The following TAF4B variants were observed in gnomAD, a reference collection of about 807,000 sequenced individuals.
The protein encoded by TAF4B is transcription initiation factor TFIID subunit 4B.
Under a neutral mutation model 86.4 loss-of-function variants are expected in TAF4B, and 38 were observed. That is an observed-to-expected ratio of 0.44 (90% CI 0.34 to 0.58). The LOEUF (loss-of-function observed/expected upper bound fraction) is 0.58. Ranked by LOEUF, TAF4B falls within the 20% of genes least tolerant of loss-of-function variation. The pLI is 0.02. For synonymous variants in TAF4B, 388 were observed against 391.2 expected (o/e 0.99, Z 0.10); for missense variants, 988 against 1,027.6 (o/e 0.96, Z 0.53).
chr18:26,389,909 G>A lies in TAF4B; in HGVS notation c.2486G>A (p.Arg829His), dbSNP rs754468526. ...CTGACAGCCACCAAACAGTTGCATC[G>A]TCCAAGAATCACGAGAATCTGCCTC... The part of the protein sequence containing the change: ...SSLTATKQLH[R>H]PRITRICLRD... The change falls in exon 15 of 15, where the codon CGT (arginine) becomes CAT (histidine). Residue 829 changes from arginine to histidine, a missense_variant. Physicochemically the swap from Arg to His is conservative, Grantham distance 29 (BLOSUM62 0). This residue lies in a region of TAF4B where 216 missense variants were observed against 238.4 expected (regional missense o/e 0.91). Coordinates refer to ENST00000269142, the MANE Select transcript of TAF4B (RefSeq NM_005640.3). 1.4e-5 allele frequency: 22 copies of A among 1,613,962 alleles called. No individual in the cohort carries two copies. The highest frequency in any genetic ancestry group is 1.6e-4 in the Middle Eastern group (1 of 6,082).
intron 13 of TAF4B, among the ~76,000 whole-genome samples, chr18:26,354,837 A>G (rs938769435): frequency 3.9e-5 from 6 of 152,204 alleles, no homozygotes; most frequent in Non-Finnish European, 8.8e-5. Flanking sequence ...GCATGGTATG[A>G]TTCTTCCAAT....
intron 9 of TAF4B, among the ~76,000 whole-genome samples, chr18:26,308,431 G>A (rs978201338): frequency 1.3e-4 from 20 of 152,084 alleles, no homozygotes; most frequent in African/African-American, 4.6e-4. Flanking sequence ...GACGTTAGAG[G>A]TAGGTACACC....
intron 9 of TAF4B, among the ~76,000 whole-genome samples, chr18:26,302,859 T>TA (rs998553608): frequency 6.6e-6 from 1 of 152,084 alleles, no homozygotes; most frequent in African/African-American, 2.4e-5. Flanking sequence ...CTCTTTTTTT[T>TA]AATCTTTCTT....
intron 1 of TAF4B, among the ~76,000 whole-genome samples, chr18:26,228,749 A>C (rs558194835): frequency 6.6e-6 from 1 of 152,182 alleles, no homozygotes; most frequent in African/African-American, 2.4e-5. Context: ...CAGGCAACAG[A>C]GTGAGACTCT....
chr18:26,280,020 G>A (rs994242801), intron 5 of TAF4B, among the ~76,000 whole-genome samples: 9 of 146,880 alleles, frequency 6.1e-5, no homozygotes, highest in Non-Finnish European at 1.2e-4. Context: ...CTACAGCCTA[G>A]GTGACACAGT....
chr18:26,313,832 A>G (rs1040569675), intron 9 of TAF4B, among the ~76,000 whole-genome samples: 1 of 151,092 alleles, frequency 6.6e-6, no homozygotes, highest in Non-Finnish European at 1.5e-5. Context: ...TGCCTGGCTA[A>G]TTTTTTTTTG....
chr18:26,312,315 C>T (rs1043252978), intron 9 of TAF4B, among the ~76,000 whole-genome samples: 8 of 152,184 alleles, frequency 5.3e-5, no homozygotes, highest in Non-Finnish European at 1.0e-4. Flanking sequence ...TTTAGTCTGC[C>T]TCCTTGACTA....
At chr18:26,322,005 G>A (rs1473245559) in intron 11 of TAF4B, among the ~76,000 whole-genome samples, 1 of 152,142 alleles carries the variant, frequency 6.6e-6, no homozygotes, top group Non-Finnish European at 1.5e-5. Context: ...TGTAGTTTTG[G>A]AGGAGGGCGA....
At chr18:26,291,755 T>C (rs1391238337) in intron 7 of TAF4B, among the ~76,000 whole-genome samples, 1 of 150,664 alleles carries the variant, frequency 6.6e-6, no homozygotes, top group East Asian at 2.0e-4. Context: ...ACATGAAAAG[T>C]CCTTACCTTT....
At chr18:26,309,734 A>T (rs1464342913) in intron 9 of TAF4B, among the ~76,000 whole-genome samples, 1 of 152,200 alleles carries the variant, frequency 6.6e-6, no homozygotes, top group East Asian at 1.9e-4. Context: ...ACAAAATTAC[A>T]TGAGAGGGTC....
chr18:26,232,257 G>T (rs754615581), intron 1 of TAF4B, among the ~76,000 whole-genome samples: 4 of 152,094 alleles, frequency 2.6e-5, no homozygotes, highest in African/African-American at 9.7e-5. Flanking sequence ...CCCAGCTGCT[G>T]TTGGGAATTG....
intron 7 of TAF4B, 120 bp downstream of exon 7, chr18:26,286,619 A>C: frequency 1.0e-6 from 1 of 991,966 alleles, no homozygotes; most frequent in Non-Finnish European, 1.3e-6. Flanking sequence ...TTGACCAATT[A>C]ATTTTTTTTT....
chr18:26,339,577 T>A (rs2057120443), intron 13 of TAF4B, among the ~76,000 whole-genome samples: 1 of 150,512 alleles, frequency 6.6e-6, no homozygotes, highest in Middle Eastern at 3.2e-3. Context: ...TCCTTCTGCC[T>A]CAGCCTCCAT....
intron 1 of TAF4B, among the ~76,000 whole-genome samples, chr18:26,252,731 G>A (rs2056024450): frequency 1.3e-5 from 2 of 151,212 alleles, no homozygotes; most frequent in South Asian, 4.2e-4. Context: ...AATTAATAAG[G>A]GCCCCAAAGC....
intron 9 of TAF4B, among the ~76,000 whole-genome samples, chr18:26,310,144 A>G (rs2056838797): frequency 6.6e-6 from 1 of 152,220 alleles, no homozygotes; most frequent in Non-Finnish European, 1.5e-5. Context: ...AATGGTCAGA[A>G]CAGGGACTGA....
intron 9 of TAF4B, among the ~76,000 whole-genome samples, chr18:26,297,175 A>C: frequency 6.6e-6 from 1 of 152,074 alleles, no homozygotes; most frequent in Admixed American, 6.6e-5. Flanking sequence ...TCTAAATTTA[A>C]CATTTTATTT....
At chr18:26,241,788 T>G (rs2055843793) in intron 1 of TAF4B, among the ~76,000 whole-genome samples, 1 of 152,242 alleles carries the variant, frequency 6.6e-6, no homozygotes, top group Non-Finnish European at 1.5e-5. Flanking sequence ...TGTTGTGTCT[T>G]TGTTCTCATT....
chr18:26,246,771 G>A (rs1357103844), intron 1 of TAF4B, among the ~76,000 whole-genome samples: 3 of 152,040 alleles, frequency 2.0e-5, no homozygotes, highest in Admixed American at 2.0e-4. Context: ...GACCTCAGGT[G>A]ATCTGCTGGC....
intron 14 of TAF4B, among the ~76,000 whole-genome samples, chr18:26,375,035 C>T (rs942588052): frequency 5.3e-5 from 8 of 152,174 alleles, no homozygotes; most frequent in Admixed American, 3.3e-4. Context: ...AGAACATTTT[C>T]ATTACCCTAC....
Sources: allele counts gnomAD v4.1 joint callset (sites outside exome capture counted in the v4.1 genomes callset), GRCh38; gene constraint gnomAD v4.1.1; regional missense constraint gnomAD v4.1.1; transcripts MANE v1.5; gene names NCBI Gene and HGNC (gene_info 2026-07-23, HGNC 2026-07-21).